COQ5: variants seen among roughly 807,000 people sequenced by gnomAD.
The protein encoded by COQ5 is coenzyme Q5, methyltransferase.
COQ5 carries 27 observed loss-of-function variants against 40.5 expected under a neutral mutation model. The ratio of observed to expected loss-of-function variants is 0.67; its 90% CI spans 0.49 to 0.92. COQ5 has a LOEUF of 0.92. Among genes scored for constraint, COQ5 ranks in the 40% least tolerant of loss-of-function variants. The pLI is 0.00. For missense variants in COQ5, 409 were observed against 406.4 expected, an observed-to-expected ratio of 1.01 and a Z score of -0.06; for synonymous variants, 141 against 150.0, an observed-to-expected ratio of 0.94 and a Z score of 0.44.
chr12:120,516,833 T>TA, intron 2 of COQ5, 45 bp from the exon 3 acceptor site: 1 of 1,542,094 alleles, frequency 6.5e-7, no homozygotes, highest in Non-Finnish European at 9.0e-7. Flanking sequence ...AAAACAAAAA[T>TA]AAAAAAGGAA....
In COQ5 at chr12:120,522,212, A is replaced by T. The variant is rs758118388; in HGVS notation, c.352+2T>A. 6 of 1,614,138 alleles carry T rather than the reference A, an allele frequency of 3.7e-6. No homozygotes were observed. In the East Asian group the frequency reaches 1.3e-4, roughly 36 times the overall value. ...AGTGAAGGATACCAAACTCGACATT[A>T]CCTGTGCCTCCAGCAACATCAAGCA... On this transcript the variant is annotated splice_donor_variant, in intron 2 of 6. Coordinates refer to ENST00000288532, the MANE Select transcript of COQ5 (RefSeq NM_032314.4). LOFTEE classifies it high-confidence loss of function.
intron 3 of COQ5, among the ~76,000 whole-genome samples, chr12:120,515,028 G>C (rs1156231929): frequency 1.3e-5 from 2 of 151,992 alleles, no homozygotes; most frequent in Non-Finnish European, 2.9e-5. Flanking sequence ...CAGACCTCAG[G>C]GGATCCACCC....
At chr12:120,518,407 G>A (rs777532559) in intron 2 of COQ5, among the ~76,000 whole-genome samples, 6 of 119,380 alleles carry the variant, frequency 5.0e-5, no homozygotes, top group South Asian at 5.6e-4. Context: ...CCAGCCTGGC[G>A]AAAGTGCAAG....
chr12:120,520,552 T>C (rs951418401), intron 2 of COQ5, among the ~76,000 whole-genome samples: 6 of 151,794 alleles, frequency 4.0e-5, no homozygotes, highest in Non-Finnish European at 7.4e-5. Flanking sequence ...TTTCGATCTC[T>C]TGACCTCATG....
chr12:120,527,060 C>T, intron 1 of COQ5: 1 of 151,464 alleles, frequency 6.6e-6, no homozygotes, highest in East Asian at 1.9e-4. Context: ...ATTTAATTCT[C>T]AAGGTTTCTA....
At chr12:120,521,446 G>A (rs574052346) in intron 2 of COQ5, among the ~76,000 whole-genome samples, 1 of 152,116 alleles carries the variant, frequency 6.6e-6, no homozygotes, top group South Asian at 2.1e-4. Flanking sequence ...GGGAGGCCGA[G>A]GCGGGTGTAT....
At chr12:120,506,424 T>C (rs1215978996) in intron 4 of COQ5, among the ~76,000 whole-genome samples, 2 of 151,982 alleles carry the variant, frequency 1.3e-5, no homozygotes, top group Non-Finnish European at 2.9e-5. Context: ...TGGAGTGCAG[T>C]GGCACGATCT....
intron 3 of COQ5, among the ~76,000 whole-genome samples, chr12:120,514,475 T>G (rs1295352758): frequency 6.6e-6 from 1 of 152,000 alleles, no homozygotes; most frequent in African/African-American, 2.4e-5. Context: ...GCGCAGTGGC[T>G]CACACCTATA....
chr12:120,505,570 T>C (rs1868844569), intron 4 of COQ5, among the ~76,000 whole-genome samples: 1 of 151,838 alleles, frequency 6.6e-6, no homozygotes, highest in African/African-American at 2.4e-5. Context: ...GTTTGTTTGT[T>C]TTTGAGGTGG....
intron 1 of COQ5, among the ~76,000 whole-genome samples, chr12:120,525,136 G>A (rs760508600): frequency 6.6e-6 from 1 of 152,006 alleles, no homozygotes; most frequent in Admixed American, 6.6e-5. Context: ...GTCTAGCTCT[G>A]TCGCCCAGGC....
At chr12:120,504,124 C>T (rs7136951) in intron 5 of COQ5, 43 bp from the exon 6 acceptor site, 349,567 of 1,118,746 alleles carry the variant, frequency 0.31, 57,098 homozygotes, top group East Asian at 0.51. Context: ...AGAACATGCC[C>T]CTCACTTCTT....
intron 4 of COQ5, among the ~76,000 whole-genome samples, chr12:120,509,621 G>C (rs1348646840): frequency 6.6e-6 from 1 of 152,156 alleles, no homozygotes; most frequent in African/African-American, 2.4e-5. Flanking sequence ...CTTCTATGGA[G>C]ATCAGCTCTG....
chr12:120,504,153 A>G, intron 5 of COQ5, 72 bp from the exon 6 acceptor site: 1 of 963,976 alleles, frequency 1.0e-6, no homozygotes, highest in Non-Finnish European at 1.7e-6. Context: ...AAGAAGAAAG[A>G]AGGACTAAAC....
At position 120,503,789 on chromosome 12, in the gene COQ5, G is replaced by A. The variant is rs747315178; in HGVS notation, c.979C>T (p.Leu327Phe). 3.7e-6 allele frequency: 6 copies of A among 1,612,488 alleles called. No homozygotes were observed. In the Admixed American group the frequency reaches 6.7e-5, roughly 18 times the overall value. Residue 327 changes from leucine to phenylalanine, a missense_variant, in exon 7 of 7, where the codon CTT (leucine) becomes TTT (phenylalanine). Coordinates refer to ENST00000288532, the MANE Select transcript of COQ5 (RefSeq NM_032314.4). The stretch of plus-strand genomic sequence containing the variant: ...GCTCCATGATAGGAAAGGAATTAAA[G>A]TTTGAAGCCAGAATGAATGGCCACA... The part of the protein sequence containing the change: ...GIVAIHSGFK[L>F]
rs55830211 is a variant in COQ5 at position 120,527,988 on chromosome 12, C to CA, written c.202+951dup. 1.0e-3 allele frequency among the ~76,000 whole-genome samples: 23 copies of CA among 23,034 alleles called. 1 individual carries two copies. Among genetic ancestry groups the CA allele is most frequent in the East Asian group, 3.9e-3 (2 of 516 alleles). 15.1% of individuals were successfully genotyped at this position (23,034 alleles called of 152,430 possible). Reference sequence around the variant, plus strand: ...GGGGTGACAGAGAGAGACTCAGTCTCAAAAAAAAAAAAAAAAAAAAAAAAA... The same window carrying CA: ...GGGGTGACAGAGAGAGACTCAGTCTCAAAAAAAAAAAAAAAAAAAAAAAAAA... On this transcript the variant is annotated intron_variant, in intron 1 of 6. Coordinates refer to ENST00000288532, the MANE Select transcript of COQ5 (RefSeq NM_032314.4).
At chr12:120,520,606 G>A (rs913408002) in intron 2 of COQ5, among the ~76,000 whole-genome samples, 2 of 151,920 alleles carry the variant, frequency 1.3e-5, no homozygotes, top group Admixed American at 6.6e-5. Flanking sequence ...TTACAGGCAT[G>A]AGCCACCACA....
At chr12:120,515,064 A>G (rs1425869949) in intron 3 of COQ5, among the ~76,000 whole-genome samples, 1 of 151,528 alleles carries the variant, frequency 6.6e-6, no homozygotes, top group Non-Finnish European at 1.5e-5. Context: ...AAGTGCTGAG[A>G]TTACAGGCGT....
In COQ5 at chr12:120,503,608, G is replaced by A. The variant is rs1425097091; in HGVS notation, c.*176C>T. On this transcript the variant is annotated 3_prime_UTR_variant, in exon 7 of 7. Coordinates refer to ENST00000288532, the MANE Select transcript of COQ5 (RefSeq NM_032314.4). ...GACTGAAGCAGCTCCAAAGAAAGCT[G>A]TAAAAAAGTGACAAGAATTTGTTCT... 6 of 697,480 alleles carry A rather than the reference G, an allele frequency of 8.6e-6. 1 individual carries two copies. The South Asian group carries it at 9.0e-5, about 10-fold the overall frequency. The allele number at this position is 697,480 out of a possible 1,614,324, so 43.2% of individuals were successfully genotyped here. A position where few individuals can be genotyped will look rare whatever the true frequency, so the allele number is the denominator to read the frequency against.
chr12:120,510,770 A>G (rs1307887999), intron 3 of COQ5, among the ~76,000 whole-genome samples: 1 of 152,218 alleles, frequency 6.6e-6, no homozygotes, highest in East Asian at 1.9e-4. Flanking sequence ...ATCATAGAGC[A>G]TCAGCGTGTC....
Sources: allele counts gnomAD v4.1 joint callset (sites outside exome capture counted in the v4.1 genomes callset), GRCh38; gene constraint gnomAD v4.1.1; transcripts MANE v1.5; gene names NCBI Gene and HGNC (gene_info 2026-07-23, HGNC 2026-07-21).